Variants in LINC00305 observed in about 807,000 individuals in gnomAD.
LINC00305 encodes the protein long intergenic non-protein coding RNA 305.
intron 1 of LINC00305, among the ~76,000 whole-genome samples, chr18:64,138,764 A>T (rs1485057591): frequency 6.6e-6 from 1 of 152,138 alleles, no homozygotes; most frequent in Non-Finnish European, 1.5e-5. Flanking sequence ...TTCGGACAGA[A>T]TCTTTTCTGA....
intron 1 of LINC00305, among the ~76,000 whole-genome samples, chr18:64,147,768 G>C (rs1182942123): frequency 6.6e-6 from 1 of 152,112 alleles, no homozygotes; most frequent in Non-Finnish European, 1.5e-5. Context: ...AGGGAGTCTG[G>C]GGGAGGGAGC....
intron 1 of LINC00305, among the ~76,000 whole-genome samples, chr18:64,111,150 T>C (rs767920635): frequency 2.0e-5 from 3 of 152,214 alleles, no homozygotes; most frequent in Non-Finnish European, 4.4e-5. Flanking sequence ...AAATATATAG[T>C]TTGCATACTT....
At chr18:64,115,649 C>T (rs9952024) in intron 1 of LINC00305, among the ~76,000 whole-genome samples, 1 of 151,996 alleles carries the variant, frequency 6.6e-6, no homozygotes, top group Non-Finnish European at 1.5e-5. Context: ...TTCAAGGAGG[C>T]CTCAATGTTC....
intron 3 of LINC00305, among the ~76,000 whole-genome samples, chr18:64,089,218 T>C (rs1051999445): frequency 6.6e-6 from 1 of 152,150 alleles, no homozygotes; most frequent in Non-Finnish European, 1.5e-5. Context: ...GTTCTCATGA[T>C]AGTGGGTAAG....
At chr18:64,084,678 A>C (rs2051196715) in intron 3 of LINC00305, among the ~76,000 whole-genome samples, 1 of 152,218 alleles carries the variant, frequency 6.6e-6, no homozygotes, top group Non-Finnish European at 1.5e-5. Context: ...TGCATTTCTC[A>C]TGCATCTGCA....
At chr18:64,131,094 G>GC (rs1461812984) in intron 1 of LINC00305, among the ~76,000 whole-genome samples, 7 of 152,132 alleles carry the variant, frequency 4.6e-5, no homozygotes, top group African/African-American at 1.7e-4. Flanking sequence ...AGACTCCTGT[G>GC]TTGTGCTATT....
At chr18:64,114,040 C>T (rs1409366203) in intron 1 of LINC00305, among the ~76,000 whole-genome samples, 10 of 152,128 alleles carry the variant, frequency 6.6e-5, no homozygotes, top group African/African-American at 2.2e-4. Flanking sequence ...GAGACCGAGG[C>T]GGGCGGATCA....
At chr18:64,095,471 TAGA>T (rs961285968) in intron 3 of LINC00305, among the ~76,000 whole-genome samples, 3 of 151,904 alleles carry the variant, frequency 2.0e-5, no homozygotes, top group African/African-American at 7.3e-5. Flanking sequence ...TTTTTTTTGA[TAGA>T]AGAAGTGAAA....
intron 1 of LINC00305, among the ~76,000 whole-genome samples, chr18:64,109,707 GT>G (rs529697901): frequency 3.3e-5 from 5 of 151,310 alleles, no homozygotes; most frequent in South Asian, 2.1e-4. Flanking sequence ...AAATATCTTG[GT>G]TTTTTTTTCC....
chr18:64,126,630 C>T (rs936582209), intron 1 of LINC00305, among the ~76,000 whole-genome samples: 8 of 152,030 alleles, frequency 5.3e-5, no homozygotes, highest in African/African-American at 1.7e-4. Context: ...GAGACTGGCT[C>T]ATTCATTCCA....
intron 1 of LINC00305, among the ~76,000 whole-genome samples, chr18:64,131,836 A>G (rs1012373153): frequency 2.0e-5 from 3 of 152,214 alleles, no homozygotes; most frequent in Non-Finnish European, 4.4e-5. Flanking sequence ...ATGTGAAGAT[A>G]GCTCCAGAAG....
chr18:64,141,111 C>T (rs1020504526), intron 1 of LINC00305, among the ~76,000 whole-genome samples: 3 of 150,470 alleles, frequency 2.0e-5, no homozygotes, highest in Non-Finnish European at 4.4e-5. Flanking sequence ...AAGAGTGCAG[C>T]CTGTGGACAC....
intron 1 of LINC00305, among the ~76,000 whole-genome samples, chr18:64,136,614 T>G (rs991704672): frequency 6.6e-6 from 1 of 152,100 alleles, no homozygotes; most frequent in Non-Finnish European, 1.5e-5. Flanking sequence ...GAGATTTGGG[T>G]GGGGACACAG....
chr18:64,145,448 AC>A (rs1339334120), intron 1 of LINC00305, among the ~76,000 whole-genome samples: 1 of 151,902 alleles, frequency 6.6e-6, no homozygotes, highest in Non-Finnish European at 1.5e-5. Context: ...GAAGGCGGTG[AC>A]CCCCCTGGAC....
intron 1 of LINC00305, chr18:64,104,278 A>G (rs777756101): frequency 1.2e-4 from 18 of 152,216 alleles, no homozygotes; most frequent in Non-Finnish European, 1.8e-4. Context: ...CTCCTTGGAT[A>G]ATAAGTGGGT....
At chr18:64,088,399 C>A (rs2051212435) in intron 3 of LINC00305, among the ~76,000 whole-genome samples, 1 of 152,208 alleles carries the variant, frequency 6.6e-6, no homozygotes. Context: ...ATTCTTCATG[C>A]ATCTCAGTGC....
rs146750918 is a variant in LINC00305 at position 64,102,118 on chromosome 18, T to C, written n.315-3478A>G. Among the ~76,000 whole-genome samples the C allele has an allele frequency of 4.3e-3, 651 of 152,268 alleles. 4 individuals are homozygous for C. Among genetic ancestry groups the C allele is most frequent in the African/African-American group, 0.014 (599 of 41,546 alleles). Reference sequence around the variant, plus strand: ...CAGTGACCGCTGTTCATATCAGTAATATTTGAAATTTATCCTCACTTGTCC... The same window carrying C: ...CAGTGACCGCTGTTCATATCAGTAACATTTGAAATTTATCCTCACTTGTCC... On this transcript the variant is annotated intron_variant and non_coding_transcript_variant, in intron 1 of 3. Transcript: ENST00000666468.
Position 64,145,684 on chromosome 18 carries a change from G to A in LINC00305, n.314+3091C>T, listed in dbSNP as rs2051494271. 2.6e-5 allele frequency among the ~76,000 whole-genome samples: 4 copies of A among 152,128 alleles called. No individual in the cohort carries two copies. In the South Asian group the frequency reaches 8.3e-4, roughly 32 times the overall value. ...ACCTGCCTTGGCCTCCCAAAGTGCT[G>A]GGATTACAGGCATGAGCCACCGCAT... On this transcript the variant is annotated intron_variant and non_coding_transcript_variant, in intron 1 of 3. Transcript: ENST00000666468.
At chr18:64,089,867 G>A (rs1308563015) in intron 3 of LINC00305, among the ~76,000 whole-genome samples, 1 of 152,178 alleles carries the variant, frequency 6.6e-6, no homozygotes, top group Non-Finnish European at 1.5e-5. Context: ...ACTATTAAAA[G>A]AACAGCATGG....
Sources: gnomAD v4.1 joint callset for allele counts (sites outside exome capture counted in the v4.1 genomes callset) on GRCh38, gnomAD v4.1.1 for gene constraint, MANE v1.5 for transcripts, NCBI Gene and HGNC (gene_info 2026-07-23, HGNC 2026-07-21) for gene names.